Variants in KDM4C observed in about 807,000 individuals in gnomAD.
KDM4C encodes the protein lysine-specific demethylase 4C.
A neutral mutation model predicts 129.3 loss-of-function variants in KDM4C; 81 were observed. The observed-to-expected ratio is 0.63, with a 90% CI of 0.52 to 0.75. The LOEUF (loss-of-function observed/expected upper bound fraction) is 0.75, where lower values mean the gene tolerates loss of function less well. Among genes scored for constraint, KDM4C ranks in the 30% least tolerant of loss-of-function variants. The pLI is 0.00. For missense variants in KDM4C, 1,457 were observed against 1,304.0 expected, an observed-to-expected ratio of 1.12 and a Z score of -1.81; for synonymous variants, 573 against 456.1, an observed-to-expected ratio of 1.26 and a Z score of -3.26.
chr9:7,143,933 A>C (rs1476149503), intron 19 of KDM4C, among the ~76,000 whole-genome samples: 1 of 152,182 alleles, frequency 6.6e-6, no homozygotes, highest in Non-Finnish European at 1.5e-5. Context: ...TTTAATCTAA[A>C]AGGAAGGACA....
chr9:6,767,957 A>G (rs1477208047), intron 1 of KDM4C, among the ~76,000 whole-genome samples: 1 of 152,084 alleles, frequency 6.6e-6, no homozygotes, highest in African/African-American at 2.4e-5. Context: ...TACACACATA[A>G]TATTTCTTTT....
At chr9:6,947,943 G>C (rs949806769) in intron 8 of KDM4C, 3 of 151,840 alleles carry the variant, frequency 2.0e-5, no homozygotes, top group Admixed American at 6.6e-5. Context: ...TTTTTTATTG[G>C]TTTGTCAGTC....
intron 19 of KDM4C, among the ~76,000 whole-genome samples, chr9:7,155,948 T>G (rs1176224828): frequency 6.6e-6 from 1 of 152,258 alleles, no homozygotes; most frequent in Non-Finnish European, 1.5e-5. Flanking sequence ...TCTTCCACAA[T>G]GGTTGAACTA....
chr9:6,967,717 A>G lies in KDM4C; in HGVS notation c.922-13208A>G, dbSNP rs185806372. ...AATCTCTGTAAGTTTTCTCAATATG[A>G]GAACCATACCAGAGCCCTATTATCC... is the stretch of plus-strand genomic sequence containing the variant. On this transcript the variant is annotated intron_variant, in intron 8 of 21. Coordinates refer to ENST00000381309, the MANE Select transcript of KDM4C (RefSeq NM_015061.6). Among the ~76,000 whole-genome samples, 11 of 152,284 alleles carry G rather than the reference A, an allele frequency of 7.2e-5. No individual in the cohort carries two copies. The East Asian group carries it at 1.4e-3, about 19-fold the overall frequency.
At chr9:6,786,113 C>T (rs1246785452) in intron 1 of KDM4C, among the ~76,000 whole-genome samples, 1 of 149,126 alleles carries the variant, frequency 6.7e-6, no homozygotes, top group Non-Finnish European at 1.5e-5. Flanking sequence ...TTTTACTCCT[C>T]CCACAGAAGT....
intron 4 of KDM4C, among the ~76,000 whole-genome samples, chr9:6,846,070 T>C (rs964943575): frequency 5.3e-5 from 8 of 152,134 alleles, no homozygotes; most frequent in Non-Finnish European, 8.8e-5. Flanking sequence ...TTGTGTAGAG[T>C]GGCACTGCCT....
chr9:6,821,526 G>A (rs1200598741), intron 4 of KDM4C, among the ~76,000 whole-genome samples: 2 of 152,168 alleles, frequency 1.3e-5, no homozygotes, highest in Admixed American at 1.3e-4. Context: ...CTTCTTTTGA[G>A]AAGCGCCTGT....
chr9:6,762,283 G>A (rs1264255146), intron 1 of KDM4C, among the ~76,000 whole-genome samples: 2 of 150,284 alleles, frequency 1.3e-5, no homozygotes, highest in East Asian at 2.0e-4. Flanking sequence ...GGTGTGTGAT[G>A]TTCCCCTCCC....
intron 2 of KDM4C, among the ~76,000 whole-genome samples, chr9:6,800,196 G>C (rs575448056): frequency 6.6e-6 from 1 of 152,220 alleles, no homozygotes; most frequent in East Asian, 1.9e-4. Flanking sequence ...GTGAAATGCT[G>C]TCTCTACTAA....
chr9:6,743,705 G>C (rs820521), intron 1 of KDM4C, among the ~76,000 whole-genome samples: 1 of 151,690 alleles, frequency 6.6e-6, no homozygotes, highest in Non-Finnish European at 1.5e-5. Flanking sequence ...ACAGGGTTTC[G>C]TCATGTGGCT....
chr9:7,034,708 G>A (rs1241415473), intron 15 of KDM4C, among the ~76,000 whole-genome samples: 2 of 152,170 alleles, frequency 1.3e-5, no homozygotes, highest in African/African-American at 2.4e-5. Flanking sequence ...TGGTATTGCT[G>A]TATCATGTGG....
rs1286347234 is a variant in KDM4C, at chr9:6,805,666, C to T, written c.212C>T (p.Ala71Val). 5.0e-6 allele frequency: 8 copies of T among 1,613,904 alleles called. No individual in the cohort carries two copies. Among genetic ancestry groups the T allele is most frequent in the Non-Finnish European group, 6.8e-6 (8 of 1,179,950 alleles). The change falls in exon 3 of 22, where the codon GCA becomes GTA. Residue 71 changes from alanine to valine, a missense_variant. Transcript: ENST00000381309. ...YDDIDNLLIPAPIQQMVTGQS... is the reference protein window; with the variant it reads ...YDDIDNLLIPVPIQQMVTGQS... ...GACATTGATAATTTGCTCATTCCAG[C>T]ACCAATTCAGCAGATGGTCACAGGG...
intron 5 of KDM4C, among the ~76,000 whole-genome samples, chr9:6,864,723 T>G (rs1333660774): frequency 6.6e-6 from 1 of 151,958 alleles, no homozygotes; most frequent in Non-Finnish European, 1.5e-5. Flanking sequence ...AGCTTTCTAC[T>G]CCTTGCTCTT....
At chr9:6,984,037 C>A in intron 9 of KDM4C, 129 bp from the exon 10 acceptor site, 1 of 610,998 alleles carries the variant, frequency 1.6e-6, no homozygotes, top group Middle Eastern at 3.1e-4. Context: ...TGAACATTGA[C>A]TTGGCATAGT....
intron 1 of KDM4C, chr9:6,727,178 C>T (rs1817159065): frequency 6.6e-6 from 1 of 152,186 alleles, no homozygotes; most frequent in Non-Finnish European, 1.5e-5. Flanking sequence ...CGGCCGGGCA[C>T]AGTGGCTTGT....
At chr9:6,759,003 C>T (rs560959905) in intron 1 of KDM4C, among the ~76,000 whole-genome samples, 9 of 150,186 alleles carry the variant, frequency 6.0e-5, no homozygotes, top group African/African-American at 2.2e-4. Flanking sequence ...TCCCCCTTTG[C>T]TGCGCGGTGC....
At chr9:6,834,510 G>C (rs559467783) in intron 4 of KDM4C, 2 of 649,260 alleles carry the variant, frequency 3.1e-6, no homozygotes, top group Non-Finnish European at 5.8e-6. Context: ...CATGTGGAAG[G>C]CTGGCTTCGC....
intron 19 of KDM4C, among the ~76,000 whole-genome samples, chr9:7,162,621 A>T (rs927743369): frequency 6.6e-6 from 1 of 152,152 alleles, no homozygotes; most frequent in Admixed American, 6.5e-5. Context: ...CATGTCCCTC[A>T]GCTCTCCTTG....
At chr9:6,908,045 C>G (rs2131047461) in intron 8 of KDM4C, among the ~76,000 whole-genome samples, 1 of 152,194 alleles carries the variant, frequency 6.6e-6, no homozygotes, top group South Asian at 2.1e-4. Context: ...ATAACCTTGA[C>G]CTAGAGTCTT....
Sources: allele counts gnomAD v4.1 joint callset (sites outside exome capture counted in the v4.1 genomes callset), GRCh38; gene constraint gnomAD v4.1.1; transcripts MANE v1.5; gene names NCBI Gene and HGNC (gene_info 2026-07-23, HGNC 2026-07-21).